The following TP53BP1 variants were observed in gnomAD, a reference collection of about 807,000 sequenced individuals.
TP53BP1 encodes tumor protein p53 binding protein 1.
TP53BP1 carries 61 observed loss-of-function variants against 200.8 expected under a neutral mutation model. The observed-to-expected ratio is 0.30, with a 90% CI of 0.25 to 0.38. TP53BP1 has a LOEUF of 0.38. Ranked by LOEUF, TP53BP1 falls within the 10% of genes least tolerant of loss-of-function variation. The pLI is 1.00. For missense variants in TP53BP1, 2,144 were observed against 2,371.9 expected, an observed-to-expected ratio of 0.90 and a Z score of 2.00; for synonymous variants, 822 against 844.3, an observed-to-expected ratio of 0.97 and a Z score of 0.46.
rs2044901353 is a variant in TP53BP1, at chr15:43,406,665, G to A, written c.*718C>T. 1 of 452,098 alleles carries A rather than the reference G, an allele frequency of 2.2e-6. No individual in the cohort carries two copies. Among genetic ancestry groups the A allele is most frequent in the Non-Finnish European group, 4.4e-6 (1 of 225,644 alleles). 28.0% of individuals were successfully genotyped at this position (452,098 alleles called of 1,614,324 possible). ...CCATGCAGGGATCAGTGATGCCAGAGGAAGGGAAGGAACTGCTTCCAGCTA... is the reference window on the plus strand; with the variant it reads ...CCATGCAGGGATCAGTGATGCCAGAAGAAGGGAAGGAACTGCTTCCAGCTA... On this transcript the variant is annotated 3_prime_UTR_variant, in exon 28 of 28. Coordinates refer to ENST00000382044, the MANE Select transcript of TP53BP1 (RefSeq NM_001141980.3).
chr15:43,471,228 TA>T lies in TP53BP1; in HGVS notation c.1181-1163del, dbSNP rs879282831. 3.3e-3 allele frequency among the ~76,000 whole-genome samples: 470 copies of T among 143,088 alleles called. 4 individuals are homozygous for T. Among genetic ancestry groups the T allele is most frequent in the African/African-American group, 9.9e-3 (387 of 39,196 alleles). The allele number at this position is 143,088 out of a possible 152,430, so 93.9% of individuals were successfully genotyped here. A position where few individuals can be genotyped will look rare whatever the true frequency, so the allele number is the denominator to read the frequency against. Reference sequence around the variant, plus strand: ...TGACAAGGGAAAATACACTGTTACATAAAAAAAAAAAACTGAGTCATATACA... The same window carrying T: ...TGACAAGGGAAAATACACTGTTACATAAAAAAAAAAACTGAGTCATATACA... On this transcript the variant is annotated intron_variant, in intron 10 of 27. Transcript: ENST00000382044.
Position 43,407,469 on chromosome 15 carries a change from C to G in TP53BP1, c.5848G>C (p.Glu1950Gln). Residue 1950 changes from glutamate (E) to glutamine (Q), a missense_variant, in exon 28 of 28, where the codon GAG (glutamate) becomes CAG (glutamine). Around this residue, in one of 4 missense-constraint regions of TP53BP1, gnomAD observed 334 missense variants for 453.4 expected, o/e 0.74. Coordinates refer to ENST00000382044, the MANE Select transcript of TP53BP1 (RefSeq NM_001141980.3). ...EALQLPVVSQEWVIQCLIVGE... is the reference protein window; with the variant it reads ...EALQLPVVSQQWVIQCLIVGE... ...ACAATGAGGCACTGGATCACCCACTCTTGTGACACCACAGGCAGCTGCAAT... is the reference window on the plus strand; with the variant it reads ...ACAATGAGGCACTGGATCACCCACTGTTGTGACACCACAGGCAGCTGCAAT... 3 of 1,614,228 alleles carry G rather than the reference C, an allele frequency of 1.9e-6. No individual in the cohort carries two copies. Among genetic ancestry groups the G allele is most frequent in the Non-Finnish European group, 2.5e-6 (3 of 1,180,024 alleles).
chr15:43,441,996 C>T (rs2045934261), intron 14 of TP53BP1, among the ~76,000 whole-genome samples: 1 of 152,028 alleles, frequency 6.6e-6, no homozygotes, highest in Non-Finnish European at 1.5e-5. Flanking sequence ...AAGTGATCTG[C>T]CAGATTTCTT....
In TP53BP1 at chr15:43,405,229, TAAATTG is replaced by T; in HGVS notation, c.*2148_*2153del. The T allele has an allele frequency of 3.1e-6, 5 of 1,614,046 alleles. No homozygotes were observed. Among genetic ancestry groups the T allele is most frequent in the Non-Finnish European group, 4.2e-6 (5 of 1,179,912 alleles). ...TCGGGATGTGAAAATTTCTGGCTCA[TAAATTG>T]AAATAACAGCCACGTTCCCAAGGTT... On this transcript the variant is annotated 3_prime_UTR_variant, in exon 28 of 28. Coordinates refer to ENST00000382044, the MANE Select transcript of TP53BP1 (RefSeq NM_001141980.3).
intron 4 of TP53BP1, among the ~76,000 whole-genome samples, chr15:43,486,369 C>T (rs563308277): frequency 1.3e-5 from 2 of 152,158 alleles, no homozygotes; most frequent in South Asian, 2.1e-4. Flanking sequence ...GAGCGAAACT[C>T]GGTCTCAAAA....
chr15:43,509,616 C>T (rs1003756666), intron 1 of TP53BP1, among the ~76,000 whole-genome samples: 1 of 152,148 alleles, frequency 6.6e-6, no homozygotes, highest in Non-Finnish European at 1.5e-5. Context: ...TCCATGTTGG[C>T]CAGGCTGGTC....
chr15:43,426,439 CAAAAAAA>C (rs538087512), intron 18 of TP53BP1, among the ~76,000 whole-genome samples: 3 of 56,790 alleles, frequency 5.3e-5, no homozygotes, highest in Non-Finnish European at 1.1e-4. Flanking sequence ...GACTCTGTGT[CAAAAAAA>C]AAAAAAAAAA....
rs2044822228 is a variant in TP53BP1, at chr15:43,405,093, C to A, written c.*2290G>T. 3 of 1,291,314 alleles carry A rather than the reference C, an allele frequency of 2.3e-6. No homozygotes were observed. Among genetic ancestry groups the A allele is most frequent in the Non-Finnish European group, 3.3e-6 (3 of 910,282 alleles). 80.0% of individuals were successfully genotyped at this position (1,291,314 alleles called of 1,614,324 possible). A position where few individuals can be genotyped will look rare whatever the true frequency, so the allele number is the denominator to read the frequency against. ...AGCAGAAGAGTCAAAAGAAACTCTT[C>A]AGTTTTAAGATGACATTATTTAGAT... On this transcript the variant is annotated 3_prime_UTR_variant, in exon 28 of 28. Coordinates refer to ENST00000382044, the MANE Select transcript of TP53BP1 (RefSeq NM_001141980.3).
At chr15:43,486,621 ATTAT>A (rs1459766341) in intron 4 of TP53BP1, among the ~76,000 whole-genome samples, 2 of 151,844 alleles carry the variant, frequency 1.3e-5, no homozygotes, top group African/African-American at 4.8e-5. Flanking sequence ...CCTTTTTACT[ATTAT>A]TTATTTATTT....
intron 11 of TP53BP1, among the ~76,000 whole-genome samples, chr15:43,464,045 G>A (rs2046502505): frequency 6.6e-6 from 1 of 152,104 alleles, no homozygotes; most frequent in Non-Finnish European, 1.5e-5. Context: ...GACATTATGG[G>A]ACTCCCAATA....
At chr15:43,473,397 G>A (rs2046775113) in intron 10 of TP53BP1, among the ~76,000 whole-genome samples, 1 of 152,116 alleles carries the variant, frequency 6.6e-6, no homozygotes, top group Non-Finnish European at 1.5e-5. Flanking sequence ...TAGACACAAA[G>A]GTTCTCCACG....
At chr15:43,432,728 T>G (rs2045700684) in intron 16 of TP53BP1, 51 bp from the exon 17 acceptor site, 8 of 1,546,218 alleles carry the variant, frequency 5.2e-6, no homozygotes, top group Non-Finnish European at 7.0e-6. Context: ...AGTGTATGTG[T>G]GAACGTGTGT....
intron 11 of TP53BP1, among the ~76,000 whole-genome samples, chr15:43,468,410 G>A (rs952403618): frequency 6.6e-6 from 1 of 151,980 alleles, no homozygotes; most frequent in African/African-American, 2.4e-5. Flanking sequence ...AGTTGGGCAT[G>A]GTGCCATGTG....
chr15:43,409,849 C>T (rs1356450630), intron 24 of TP53BP1, 108 bp from the exon 25 acceptor site: 1 of 521,696 alleles, frequency 1.9e-6, no homozygotes, highest in Non-Finnish European at 3.3e-6. Context: ...CTATCCACAA[C>T]AGTGTGTCCC....
chr15:43,494,450 G>C (rs547888530), upstream of TP53BP1, among the ~76,000 whole-genome samples: 12 of 152,182 alleles, frequency 7.9e-5, no homozygotes, highest in Non-Finnish European at 1.6e-4. Context: ...CTGACTCCTT[G>C]AAACTGTCCT....
chr15:43,469,564 T>G (rs2046672436), intron 11 of TP53BP1, among the ~76,000 whole-genome samples: 1 of 151,944 alleles, frequency 6.6e-6, no homozygotes, highest in Non-Finnish European at 1.5e-5. Context: ...ACAGTAACAG[T>G]TGTGTTAAAG....
chr15:43,491,340 C>G (rs879821769), intron 4 of TP53BP1, among the ~76,000 whole-genome samples: 4 of 152,094 alleles, frequency 2.6e-5, no homozygotes, highest in Non-Finnish European at 2.9e-5. Context: ...CTCAGCCTCT[C>G]AAAGCGCTGG....
chr15:43,418,691 T>C (rs904419498), intron 21 of TP53BP1, among the ~76,000 whole-genome samples: 3 of 152,010 alleles, frequency 2.0e-5, no homozygotes, highest in African/African-American at 7.2e-5. Flanking sequence ...ACAACAAGCA[T>C]AACCACAAGC....
At chr15:43,458,189 T>C (rs1430215656) in intron 11 of TP53BP1, among the ~76,000 whole-genome samples, 2 of 151,932 alleles carry the variant, frequency 1.3e-5, no homozygotes, top group African/African-American at 4.8e-5. Context: ...CCCAGCACTT[T>C]AGTAGGCCAA....
Sources: allele counts gnomAD v4.1 joint callset (sites outside exome capture counted in the v4.1 genomes callset), GRCh38; gene constraint gnomAD v4.1.1; regional missense constraint gnomAD v4.1.1; transcripts MANE v1.5; gene names NCBI Gene and HGNC (gene_info 2026-07-23, HGNC 2026-07-21).